Variants in IL1RAPL1 observed in about 807,000 individuals in gnomAD.
IL1RAPL1 encodes interleukin-1 receptor accessory protein-like 1.
A neutral mutation model predicts 48.4 loss-of-function variants in IL1RAPL1; 3 were observed. That is an observed-to-expected ratio of 0.06 (90% CI 0.03 to 0.16). IL1RAPL1 has a LOEUF of 0.16. Ranked by LOEUF, IL1RAPL1 falls within the 10% of genes least tolerant of loss-of-function variation. The pLI is 1.00. For missense variants in IL1RAPL1, 349 were observed against 530.6 expected (o/e 0.66, Z 3.36); for synonymous variants, 185 against 187.7 (o/e 0.99, Z 0.12).
At chrX:29,788,729 G>T (rs758802109) in intron 6 of IL1RAPL1, among the ~76,000 whole-genome samples, 1 of 111,658 alleles carries the variant, frequency 9.0e-6, no homozygotes, top group Admixed American at 9.5e-5. Flanking sequence ...CAGTGCTATA[G>T]AACAGTAGAA....
At chrX:29,427,137 G>A (rs1048381430) in intron 5 of IL1RAPL1, among the ~76,000 whole-genome samples, 7 of 111,788 alleles carry the variant, frequency 6.3e-5, no homozygotes, top group East Asian at 2.8e-4. Context: ...TATTTGCCCC[G>A]TATGGTTGTT....
At chrX:29,918,944 C>G (rs1284190091) in intron 7 of IL1RAPL1, among the ~76,000 whole-genome samples, 1 of 111,999 alleles carries the variant, frequency 8.9e-6, no homozygotes, top group Non-Finnish European at 1.9e-5. Flanking sequence ...TAAACATACT[C>G]CCATCTAAAG....
chrX:29,641,086 A>G (rs1215091634), intron 5 of IL1RAPL1, among the ~76,000 whole-genome samples: 1 of 112,228 alleles, frequency 8.9e-6, no homozygotes, highest in Non-Finnish European at 1.9e-5. Flanking sequence ...TGGAAGCATC[A>G]GCTGAACCCA....
intron 2 of IL1RAPL1, among the ~76,000 whole-genome samples, chrX:29,231,343 GT>G (rs1230208279): frequency 9.0e-6 from 1 of 111,543 alleles, no homozygotes; most frequent in Non-Finnish European, 1.9e-5. Context: ...TTTGCAACCG[GT>G]TCTGATAAAA....
rs1269039403 is a variant in IL1RAPL1 at position 29,036,678 on chromosome X, T to A, written c.83-246260T>A. On this transcript the variant is annotated intron_variant, in intron 2 of 10. Transcript: ENST00000378993. ...GCATTGGGAATTATGATTCCTTTAGTTTTCTTACCTGCAAAAACCTGTATG... is the reference window on the plus strand; with the variant it reads ...GCATTGGGAATTATGATTCCTTTAGATTTCTTACCTGCAAAAACCTGTATG... 3.6e-5 allele frequency among the ~76,000 whole-genome samples: 4 copies of A among 111,702 alleles called. No individual in the cohort carries two copies. The East Asian group carries it at 1.1e-3, about 31-fold the overall frequency.
chrX:29,372,552 A>C (rs1933559263), intron 3 of IL1RAPL1, among the ~76,000 whole-genome samples: 1 of 111,580 alleles, frequency 9.0e-6, no homozygotes, highest in Non-Finnish European at 1.9e-5. Context: ...TTGAGGCCTT[A>C]CATTTAAGTC....
At chrX:28,873,835 G>A (rs544411843) in intron 2 of IL1RAPL1, among the ~76,000 whole-genome samples, 2 of 109,990 alleles carry the variant, frequency 1.8e-5, no homozygotes, top group African/African-American at 6.6e-5. Flanking sequence ...CTGGCCTATT[G>A]TTTTCTAATA....
chrX:29,915,062 A>G (rs1256157001), intron 6 of IL1RAPL1, among the ~76,000 whole-genome samples: 1 of 109,551 alleles, frequency 9.1e-6, no homozygotes, highest in African/African-American at 3.5e-5. Flanking sequence ...TTGGGAGGCC[A>G]AGGCGGGCAG....
chrX:29,893,452 T>C (rs1730072712), intron 6 of IL1RAPL1, among the ~76,000 whole-genome samples: 1 of 111,068 alleles, frequency 9.0e-6, no homozygotes, highest in South Asian at 3.8e-4. Flanking sequence ...TTTCAGACAA[T>C]CTGAATGTGC....
intron 2 of IL1RAPL1, among the ~76,000 whole-genome samples, chrX:28,920,577 G>A (rs971853167): frequency 2.7e-5 from 3 of 111,632 alleles, no homozygotes; most frequent in Admixed American, 9.5e-5. Flanking sequence ...GGGGTGTTGT[G>A]GTTCCAGGCT....
chrX:29,851,712 T>C (rs1931373791), intron 6 of IL1RAPL1, among the ~76,000 whole-genome samples: 1 of 111,395 alleles, frequency 9.0e-6, no homozygotes. Flanking sequence ...TGCATAGACC[T>C]GGGGGAGCTG....
chrX:29,517,719 A>G (rs16988616), intron 5 of IL1RAPL1, among the ~76,000 whole-genome samples: 4,681 of 112,123 alleles, frequency 0.042, 270 homozygotes, highest in African/African-American at 0.14. Context: ...ACTTGACTGT[A>G]TAGATCAAAT....
intron 5 of IL1RAPL1, among the ~76,000 whole-genome samples, chrX:29,491,062 A>G (rs1000826527): frequency 2.7e-5 from 3 of 111,668 alleles, no homozygotes; most frequent in African/African-American, 9.9e-5. Context: ...GAACCATTAC[A>G]TTGAAAACAT....
chrX:28,915,631 C>T (rs1053776632), intron 2 of IL1RAPL1, among the ~76,000 whole-genome samples: 11 of 111,162 alleles, frequency 9.9e-5, no homozygotes, highest in Admixed American at 6.7e-4. Context: ...AAAGAGTTGA[C>T]GCGAGATTTG....
At chrX:29,518,100 T>G (rs1350446578) in intron 5 of IL1RAPL1, among the ~76,000 whole-genome samples, 1 of 111,632 alleles carries the variant, frequency 9.0e-6, no homozygotes, top group African/African-American at 3.3e-5. Context: ...GTATGTTCTA[T>G]GTGCCAAGCT....
At chrX:29,757,394 A>T (rs1445220395) in intron 6 of IL1RAPL1, among the ~76,000 whole-genome samples, 1 of 111,878 alleles carries the variant, frequency 8.9e-6, no homozygotes, top group Non-Finnish European at 1.9e-5. Flanking sequence ...GCTAAGAAAT[A>T]TAATATGGAG....
intron 6 of IL1RAPL1, among the ~76,000 whole-genome samples, chrX:29,778,952 T>C (rs1053981425): frequency 9.0e-6 from 1 of 111,485 alleles, no homozygotes; most frequent in Non-Finnish European, 1.9e-5. Flanking sequence ...CATGAATCAC[T>C]TGGGGGTCTT....
chrX:28,818,728 G>T (rs1382012475), intron 2 of IL1RAPL1, among the ~76,000 whole-genome samples: 1 of 110,394 alleles, frequency 9.1e-6, no homozygotes, highest in South Asian at 3.8e-4. Flanking sequence ...AAGGTCTCAT[G>T]AAATTTTTAA....
At chrX:29,654,816 T>C (rs1352424092) in intron 5 of IL1RAPL1, among the ~76,000 whole-genome samples, 1 of 112,453 alleles carries the variant, frequency 8.9e-6, no homozygotes, top group African/African-American at 3.2e-5. Flanking sequence ...TTTATGTTCC[T>C]ATATTTTATG....
Sources: allele counts gnomAD v4.1 joint callset (sites outside exome capture counted in the v4.1 genomes callset), GRCh38; gene constraint gnomAD v4.1.1; transcripts MANE v1.5; gene names NCBI Gene and HGNC (gene_info 2026-07-23, HGNC 2026-07-21).